Variants in CCDC40 observed in about 807,000 individuals in gnomAD.
CCDC40 encodes the protein coiled-coil domain 40 molecular ruler complex subunit.
Under a neutral mutation model 124.5 loss-of-function variants are expected in CCDC40, and 104 were observed. That is an observed-to-expected ratio of 0.84 (90% confidence interval 0.71 to 0.98). CCDC40 has a LOEUF of 0.98. Ranked by LOEUF, CCDC40 falls within the 50% of genes least tolerant of loss-of-function variation. The pLI is 0.00. For missense variants in CCDC40, 1,463 were observed against 1,503.9 expected, an observed-to-expected ratio of 0.97 and a Z score of 0.45; for synonymous variants, 580 against 602.9, an observed-to-expected ratio of 0.96 and a Z score of 0.56.
At chr17:80,090,094 C>A (rs1567812859) in intron 17 of CCDC40, 10 of 1,536,508 alleles carry the variant, frequency 6.5e-6, no homozygotes, top group Non-Finnish European at 8.7e-6. Flanking sequence ...AAGCGCACGT[C>A]CCCCTTGACC....
rs376640429 is a variant in CCDC40, at chr17:80,067,577, C to T, written c.1562+1971C>T. 5.5e-5 allele frequency: 84 copies of T among 1,535,890 alleles called. No homozygotes were observed. Among genetic ancestry groups the T allele is most frequent in the African/African-American group, 6.8e-5 (5 of 73,142 alleles). On this transcript the variant is annotated intron_variant, in intron 10 of 19. Transcript: ENST00000397545. The stretch of plus-strand genomic sequence containing the variant: ...CCCGCCTTTCTACCACATGGCATTC[C>T]GCTGGGATACTTCTACGGGGAAGCT...
intron 17 of CCDC40, 200 bp downstream of exon 17, chr17:80,090,084 A>T (rs1332360894): frequency 6.5e-7 from 1 of 1,536,512 alleles, no homozygotes; most frequent in South Asian, 1.2e-5. Context: ...AGCACTGGCA[A>T]AGCGCACGTC....
At chr17:80,060,119 C>T (rs2037860158) in intron 9 of CCDC40, among the ~76,000 whole-genome samples, 1 of 152,186 alleles carries the variant, frequency 6.6e-6, no homozygotes, top group African/African-American at 2.4e-5. Flanking sequence ...ACGGGGCAAG[C>T]AGCCATCCCA....
In CCDC40 at chr17:80,090,448, CA is replaced by C. The variant is rs59101374; in HGVS notation, c.2832+566del. The C allele has an allele frequency of 5.7e-3, 1,074 of 187,014 alleles. 153 individuals carry two copies. The African/African-American group carries it at 0.093, about 16-fold the overall frequency. 11.6% of individuals were successfully genotyped at this position (187,014 alleles called of 1,614,324 possible). On this transcript the variant is annotated intron_variant, in intron 17 of 19. Coordinates refer to ENST00000397545, the MANE Select transcript of CCDC40 (RefSeq NM_017950.4). ...GTGCATGAACAACACAGGACACACA[CA>C]AGCACGTGCATGAACAACACAGGAC...
chr17:80,093,612 C>T (rs1001465011), intron 17 of CCDC40, among the ~76,000 whole-genome samples: 1 of 151,542 alleles, frequency 6.6e-6, no homozygotes, highest in African/African-American at 2.4e-5. Flanking sequence ...TCCCGGGGTT[C>T]AAGTGATTCT....
intron 18 of CCDC40, among the ~76,000 whole-genome samples, chr17:80,096,135 G>C (rs148958277): frequency 5.3e-5 from 8 of 152,246 alleles, no homozygotes; most frequent in Middle Eastern, 6.3e-3. Context: ...CGTCTGCTGG[G>C]GGGTGGAGGG....
intron 10 of CCDC40, among the ~76,000 whole-genome samples, chr17:80,068,240 G>T (rs1048036756): frequency 2.6e-5 from 4 of 152,118 alleles, no homozygotes; most frequent in African/African-American, 9.7e-5. Flanking sequence ...CACCATGTGG[G>T]CCAGGCTGAT....
Position 80,088,089 on chromosome 17 carries a change from C to G in CCDC40, c.2698C>G (p.Leu900Val). ...SEEKATLLNQ[L>V]VEAEHQIMLW... ...GGAGAAGGCGACCCTCCTGAATCAA[C>G]TGGTGGAAGCAGAGTGAGTCCCAGT... The change falls in exon 16 of 20, where the codon CTG (leucine) becomes GTG (valine). Residue 900 changes from leucine (L) to valine (V), a missense_variant. Leu to Val is a conservative substitution (Grantham distance 32). Transcript: ENST00000397545. 6.2e-7 allele frequency: 1 copy of G among 1,612,870 alleles called. No homozygotes were observed. The highest frequency in any genetic ancestry group is 8.5e-7 in the Non-Finnish European group (1 of 1,178,996).
At chr17:80,071,831 C>CTT (rs35874742) in intron 10 of CCDC40, among the ~76,000 whole-genome samples, 2,059 of 88,810 alleles carry the variant, frequency 0.023, 47 homozygotes, top group Non-Finnish European at 0.025. Context: ...GGTTTTTCAG[C>CTT]TTTTTTTTTT....
intron 7 of CCDC40, among the ~76,000 whole-genome samples, chr17:80,051,734 G>A (rs2037603609): frequency 6.6e-6 from 1 of 150,942 alleles, no homozygotes; most frequent in Admixed American, 6.6e-5. Flanking sequence ...ACACTGAACT[G>A]AAAGAGCCAC....
Position 80,047,394 on chromosome 17 carries a change from A to G in CCDC40, c.668A>G (p.Gln223Arg), listed in dbSNP as rs938024074. The stretch of plus-strand genomic sequence containing the variant: ...TCAGACCTGGAGGAGTTCGTCTCGC[A>G]GGAGCCAGGTGCCACCCACCTGCTG... ...ESSDLEEFVS[Q>R]EPVIPPGVPD... Residue 223 changes from glutamine to arginine, a missense_variant, in exon 4 of 20, where the codon CAG (glutamine) becomes CGG (arginine). Coordinates refer to ENST00000397545, the MANE Select transcript of CCDC40 (RefSeq NM_017950.4). 1.2e-6 allele frequency: 2 copies of G among 1,612,312 alleles called. No individual in the cohort carries two copies. Among genetic ancestry groups the G allele is most frequent in the African/African-American group, 1.3e-5 (1 of 74,910 alleles).
At chr17:80,038,247 G>A in intron 2 of CCDC40, 61 bp downstream of exon 2, 1 of 1,171,006 alleles carries the variant, frequency 8.5e-7, no homozygotes, top group South Asian at 1.2e-5. Flanking sequence ...AAGAGAATCA[G>A]AGTACGGGCA....
chr17:80,090,018 T>A, intron 17 of CCDC40, 134 bp downstream of exon 17: 1 of 1,539,158 alleles, frequency 6.5e-7, no homozygotes, highest in Non-Finnish European at 8.8e-7. Flanking sequence ...CTGGTGGCAA[T>A]GGGTGAGATT....
chr17:80,050,353 A>G (rs1320890286), intron 7 of CCDC40, 70 bp downstream of exon 7: 2 of 1,238,898 alleles, frequency 1.6e-6, no homozygotes, highest in Non-Finnish European at 2.3e-6. Context: ...TCCATGTACC[A>G]TGGCCAGGCA....
At position 80,047,286 on chromosome 17, in the gene CCDC40, C is replaced by T; in HGVS notation, c.560C>T (p.Ser187Phe). Reference protein sequence around the residue: ...SGPAVGRLTGSTEEPQGQVLP... With the variant: ...SGPAVGRLTGFTEEPQGQVLP... ...TGGTTGTTCTTGCCATAGACAGGATCCACAGAGGAGCCCCAGGGGCAGGTG... is the reference window on the plus strand; with the variant it reads ...TGGTTGTTCTTGCCATAGACAGGATTCACAGAGGAGCCCCAGGGGCAGGTG... The change falls in exon 4 of 20, where the codon TCC becomes TTC. Residue 187 changes from serine to phenylalanine, a missense_variant. Transcript: ENST00000397545. 1.2e-6 allele frequency: 2 copies of T among 1,613,992 alleles called. No individual in the cohort carries two copies. The highest frequency in any genetic ancestry group is 1.7e-6 in the Non-Finnish European group (2 of 1,179,914).
rs7503000 is a variant in CCDC40, at chr17:80,040,548, G to A, written c.552+278G>A. ...GCAAAAATTAGGCAGGCGTGGTGGCGCACGCCTGTAATCCCAGCTACTCAG... is the reference window on the plus strand; with the variant it reads ...GCAAAAATTAGGCAGGCGTGGTGGCACACGCCTGTAATCCCAGCTACTCAG... On this transcript the variant is annotated intron_variant, in intron 3 of 19. Transcript: ENST00000397545. 11,125 of 439,172 alleles carry A rather than the reference G, an allele frequency of 0.025. 773 individuals are homozygous for A. Among genetic ancestry groups the A allele is most frequent in the African/African-American group, 0.17 (8,207 of 49,716 alleles). The allele number at this position is 439,172 out of a possible 1,614,324, so 27.2% of individuals were successfully genotyped here.
rs2037815685 is a variant in CCDC40, at chr17:80,058,671, CAT to C, written c.1317+21_1317+22del. The C allele has an allele frequency of 1.2e-6, 2 of 1,613,766 alleles. No individual in the cohort carries two copies. The highest frequency in any genetic ancestry group is 1.7e-6 in the Non-Finnish European group (2 of 1,179,626). ...AAGCAGGTATTCTGCAAACTCGACA[CAT>C]GTTTAATGATCACCAGACCGTGGAG... On this transcript the variant is annotated intron_variant, in intron 8 of 19. Transcript: ENST00000397545. This position sits in a 1 kb window ranked among gnomAD's most constrained non-coding sequence, Gnocchi z 4.2.
Position 80,058,461 on chromosome 17 carries a change from C to A in CCDC40, c.1160-33C>A. The A allele has an allele frequency of 6.2e-7, 1 of 1,609,254 alleles. No individual in the cohort carries two copies. The highest frequency in any genetic ancestry group is 1.1e-5 in the South Asian group (1 of 90,910). On this transcript the variant is annotated intron_variant, in intron 7 of 19. Coordinates refer to ENST00000397545, the MANE Select transcript of CCDC40 (RefSeq NM_017950.4). This position sits in a 1 kb window ranked among gnomAD's most constrained non-coding sequence, Gnocchi z 4.2. ...CGCTGGGACAGCCTCCCCACTCACTCTCTCTCTCTTTCTCCCCCGCCGCGC... is the reference window on the plus strand; with the variant it reads ...CGCTGGGACAGCCTCCCCACTCACTATCTCTCTCTTTCTCCCCCGCCGCGC...
At chr17:80,049,430 G>A (rs954948625) in intron 5 of CCDC40, among the ~76,000 whole-genome samples, 1 of 141,680 alleles carries the variant, frequency 7.1e-6, no homozygotes, top group African/African-American at 2.5e-5. Flanking sequence ...AAAAAAAAAT[G>A]TCTCCAGTCA....
Sources: allele counts gnomAD v4.1 joint callset (sites outside exome capture counted in the v4.1 genomes callset), GRCh38; gene constraint gnomAD v4.1.1; non-coding constraint Gnocchi (gnomAD v3.1); transcripts MANE v1.5; gene names NCBI Gene and HGNC (gene_info 2026-07-23, HGNC 2026-07-21).